Variants in SEMA3C observed in about 807,000 individuals in gnomAD.
SEMA3C encodes semaphorin 3C, also known as semaphorin-3C.
A neutral mutation model predicts 89.4 loss-of-function variants in SEMA3C; 47 were observed. The ratio of observed to expected loss-of-function variants is 0.53; its 90% CI spans 0.42 to 0.67. SEMA3C has a LOEUF of 0.67. SEMA3C is among the 30% of genes least tolerant of loss of function. SEMA3C has a pLI of 0.00. For synonymous variants in SEMA3C, 310 were observed against 320.2 expected (o/e 0.97, Z 0.34); for missense variants, 839 against 929.1 (o/e 0.90, Z 1.26).
rs1787749459 is a variant in SEMA3C, at chr7:80,744,335, A to G, written c.*559T>C. ...TTTTTACAATCTTAAAAAAACCCCA[A>G]CATATTTCATTGGAACCATAAAAAC... is the stretch of plus-strand genomic sequence containing the variant. On this transcript the variant is annotated 3_prime_UTR_variant, in exon 18 of 18. Transcript: ENST00000265361. 1 of 152,634 alleles carries G rather than the reference A, an allele frequency of 6.6e-6. No homozygotes were observed. Among genetic ancestry groups the G allele is most frequent in the Non-Finnish European group, 1.5e-5 (1 of 68,416 alleles). 9.5% of individuals were successfully genotyped at this position (152,634 alleles called of 1,614,324 possible). A position where few individuals can be genotyped will look rare whatever the true frequency, so the allele number is the denominator to read the frequency against.
intron 5 of SEMA3C, among the ~76,000 whole-genome samples, chr7:80,815,562 A>C (rs1417222836): frequency 1.3e-5 from 2 of 150,612 alleles, no homozygotes; most frequent in African/African-American, 4.9e-5. Flanking sequence ...GGCAAAAAAA[A>C]AAAAAAAAAA....
At chr7:80,912,060 G>A (rs1792165883) in intron 2 of SEMA3C, among the ~76,000 whole-genome samples, 1 of 152,120 alleles carries the variant, frequency 6.6e-6, no homozygotes, top group Non-Finnish European at 1.5e-5. Flanking sequence ...TTGTAACTCT[G>A]AATGGCTTAA....
chr7:80,764,104 T>G (rs1054232357), intron 13 of SEMA3C, among the ~76,000 whole-genome samples: 7 of 152,204 alleles, frequency 4.6e-5, no homozygotes, highest in Non-Finnish European at 8.8e-5. Context: ...CCCACTTACG[T>G]GCTTATAAAG....
At chr7:80,776,716 T>C (rs1295961771) in intron 12 of SEMA3C, among the ~76,000 whole-genome samples, 1 of 152,362 alleles carries the variant, frequency 6.6e-6, no homozygotes, top group East Asian at 1.9e-4. Context: ...GTTTTAAAAA[T>C]ATATTTTCTT....
chr7:80,879,897 G>A (rs911371592), intron 2 of SEMA3C, among the ~76,000 whole-genome samples: 3 of 152,116 alleles, frequency 2.0e-5, no homozygotes, highest in East Asian at 1.9e-4. Context: ...TCTCTGTGAC[G>A]TTTATAGAAT....
At position 80,905,638 on chromosome 7, in the gene SEMA3C, C is replaced by T. The variant is rs141627319; in HGVS notation, c.103+11041G>A. Among the ~76,000 whole-genome samples the T allele has an allele frequency of 5.9e-5, 9 of 152,278 alleles. No homozygotes were observed. The East Asian group carries it at 1.6e-3, about 26-fold the overall frequency. On this transcript the variant is annotated intron_variant, in intron 2 of 17. Transcript: ENST00000265361. ...ATTCCCCTCTCCATTCAGTTTGTAA[C>T]TATGATAAAGCTAATCCCTGCTAGC...
At chr7:80,906,796 G>A (rs1792026510) in intron 2 of SEMA3C, among the ~76,000 whole-genome samples, 1 of 152,038 alleles carries the variant, frequency 6.6e-6, no homozygotes, top group Non-Finnish European at 1.5e-5. Context: ...TAGATATAAG[G>A]GGAGAGGCAA....
chr7:80,881,090 G>T (rs1196465765), intron 2 of SEMA3C, among the ~76,000 whole-genome samples: 1 of 151,166 alleles, frequency 6.6e-6, no homozygotes, highest in Non-Finnish European at 1.5e-5. Flanking sequence ...AAGGATGTAC[G>T]ATGTTGTTTC....
intron 2 of SEMA3C, among the ~76,000 whole-genome samples, chr7:80,894,003 C>G (rs1406096953): frequency 6.6e-6 from 1 of 152,112 alleles, no homozygotes; most frequent in South Asian, 2.1e-4. Context: ...TGAATTTTAA[C>G]CCTTGACACA....
At chr7:80,851,504 TAAAAAAAAAAAAA>T (rs35936052) in intron 2 of SEMA3C, among the ~76,000 whole-genome samples, 5 of 69,806 alleles carry the variant, frequency 7.2e-5, no homozygotes, top group Admixed American at 4.5e-4. Context: ...CTCTTGTCTT[TAAAAAAAAAAAAA>T]AAAAAAAAAA....
intron 2 of SEMA3C, among the ~76,000 whole-genome samples, chr7:80,849,545 T>G (rs1053102707): frequency 2.0e-5 from 3 of 152,128 alleles, no homozygotes; most frequent in Non-Finnish European, 4.4e-5. Context: ...ATGCACCTTT[T>G]CATAACTGAA....
At chr7:80,761,587 C>T in intron 14 of SEMA3C, 29 bp downstream of exon 14, 1 of 1,146,276 alleles carries the variant, frequency 8.7e-7, no homozygotes. Flanking sequence ...TTTCAATAAG[C>T]AAAGAACATA....
intron 11 of SEMA3C, among the ~76,000 whole-genome samples, chr7:80,794,085 T>C (rs1390738347): frequency 6.6e-6 from 1 of 152,004 alleles, no homozygotes; most frequent in East Asian, 1.9e-4. Flanking sequence ...TCCTTATATT[T>C]GCCTCCCCTA....
chr7:80,833,309 T>C (rs1562896824), intron 2 of SEMA3C, among the ~76,000 whole-genome samples: 1 of 151,850 alleles, frequency 6.6e-6, no homozygotes, highest in Non-Finnish European at 1.5e-5. Context: ...GGCAGACGCA[T>C]GTAATCCCAG....
chr7:80,802,660 T>G lies in SEMA3C; in HGVS notation c.916+5A>C. On this transcript the variant is annotated splice_donor_5th_base_variant and intron_variant, in intron 9 of 17. Transcript: ENST00000265361. ...GAAGCATTTTTCAATCTCATATGTA[T>G]GTACCTAATTCATCAAAGTGTGTTT... 1 of 1,596,462 alleles carries G rather than the reference T, an allele frequency of 6.3e-7. No homozygotes were observed. The highest frequency in any genetic ancestry group is 8.6e-7 in the Non-Finnish European group (1 of 1,164,056).
chr7:80,753,704 C>CA (rs1328283962), intron 15 of SEMA3C, among the ~76,000 whole-genome samples: 3 of 152,140 alleles, frequency 2.0e-5, no homozygotes, highest in African/African-American at 7.2e-5. Flanking sequence ...TCATCCACAA[C>CA]AGTAAATTCT....
chr7:80,905,977 A>C, intron 2 of SEMA3C: 7 of 1,004,162 alleles, frequency 7.0e-6, no homozygotes, highest in Non-Finnish European at 9.6e-6. Context: ...ACTGAATAAT[A>C]AAACCTCTTT....
chr7:80,749,746 G>T (rs1787883277), intron 16 of SEMA3C, among the ~76,000 whole-genome samples: 1 of 152,146 alleles, frequency 6.6e-6, no homozygotes, highest in African/African-American at 2.4e-5. Flanking sequence ...CCAGGTGGTA[G>T]CTTAGACATG....
rs531993071 is a variant in SEMA3C, at chr7:80,777,120, C to G, written c.1355-11877G>C. ...GGTCTTTAAAGTAAATCTATAAAGT[C>G]TACTTTAAAATTCTCCTATAAGAAA... On this transcript the variant is annotated intron_variant, in intron 12 of 17. Coordinates refer to ENST00000265361, the MANE Select transcript of SEMA3C (RefSeq NM_006379.5). 9.2e-5 allele frequency among the ~76,000 whole-genome samples: 14 copies of G among 152,052 alleles called. No individual in the cohort carries two copies. In the South Asian group the frequency reaches 2.9e-3, roughly 32 times the overall value.
Sources: gnomAD v4.1 joint callset for allele counts (sites outside exome capture counted in the v4.1 genomes callset) on GRCh38, gnomAD v4.1.1 for gene constraint, MANE v1.5 for transcripts, NCBI Gene and HGNC (gene_info 2026-07-23, HGNC 2026-07-21) for gene names.